The following ZDHHC3 variants were observed in gnomAD, a reference collection of about 807,000 sequenced individuals.
The protein encoded by ZDHHC3 is zDHHC palmitoyltransferase 3.
A neutral mutation model predicts 30.6 loss-of-function variants in ZDHHC3; 9 were observed. The ratio of observed to expected loss-of-function variants is 0.29; its 90% CI spans 0.18 to 0.51. The LOEUF (loss-of-function observed/expected upper bound fraction) is 0.51. Ranked by LOEUF, ZDHHC3 falls within the 20% of genes least tolerant of loss-of-function variation. ZDHHC3 has a pLI of 0.97. For missense variants in ZDHHC3, 246 were observed against 384.2 expected (o/e 0.64, Z 3.01); for synonymous variants, 136 against 140.2 (o/e 0.97, Z 0.21).
At chr3:44,958,707 A>G in intron 2 of ZDHHC3, 2 of 1,531,282 alleles carry the variant, frequency 1.3e-6, no homozygotes, top group Non-Finnish European at 1.8e-6. Context: ...TGTGGCTTTA[A>G]TTTCAAGTCC....
chr3:44,920,391 T>C lies in ZDHHC3; in HGVS notation c.*6298A>G, dbSNP rs1700510111. On this transcript the variant is annotated 3_prime_UTR_variant, in exon 7 of 7. Coordinates refer to ENST00000424952, the MANE Select transcript of ZDHHC3 (RefSeq NM_001135179.2). ...GCACGAGAGCTGGGACATCACCATA[T>C]GGCAGACCCGGCTACAGAGGAAACA... 7.8e-7 allele frequency: 1 copy of C among 1,282,998 alleles called. No individual in the cohort carries two copies. Among genetic ancestry groups the C allele is most frequent in the African/African-American group, 1.5e-5 (1 of 65,764 alleles). 79.5% of individuals were successfully genotyped at this position (1,282,998 alleles called of 1,614,324 possible).
chr3:44,922,528 G>C lies in ZDHHC3; in HGVS notation c.*4161C>G, dbSNP rs1700667359. 1.0e-6 allele frequency: 1 copy of C among 985,286 alleles called. No individual in the cohort carries two copies. Among genetic ancestry groups the C allele is most frequent in the Non-Finnish European group, 1.2e-6 (1 of 829,938 alleles). The allele number at this position is 985,286 out of a possible 1,614,324, so 61.0% of individuals were successfully genotyped here. A position where few individuals can be genotyped will look rare whatever the true frequency, so the allele number is the denominator to read the frequency against. Reference sequence around the variant, plus strand: ...CTTATGAGGGAAGGCAGTCTCAGTGGCTTCTCCGCGGAGGGAACACGTGCC... The same window carrying C: ...CTTATGAGGGAAGGCAGTCTCAGTGCCTTCTCCGCGGAGGGAACACGTGCC... On this transcript the variant is annotated 3_prime_UTR_variant, in exon 7 of 7. Transcript: ENST00000424952.
intron 1 of ZDHHC3, chr3:44,975,360 C>CCAT (rs1705823322): frequency 6.6e-6 from 1 of 152,236 alleles, no homozygotes; most frequent in Non-Finnish European, 1.5e-5. Context: ...GTAATCACTT[C>CCAT]CATCAAGCCG....
Position 44,919,747 on chromosome 3 carries a change from T to A in ZDHHC3, c.*6942A>T, listed in dbSNP as rs758309901. On this transcript the variant is annotated 3_prime_UTR_variant, in exon 7 of 7. Coordinates refer to ENST00000424952, the MANE Select transcript of ZDHHC3 (RefSeq NM_001135179.2). ...CAGGGTTTTATATTTGTATTATGGT[T>A]GTATAAAATGTTTACCTTTGGTGAG... 5 of 392,410 alleles carry A rather than the reference T, an allele frequency of 1.3e-5. No individual in the cohort carries two copies. Among genetic ancestry groups the A allele is most frequent in the Non-Finnish European group, 1.4e-5 (4 of 287,864 alleles). The allele number at this position is 392,410 out of a possible 1,614,324, so 24.3% of individuals were successfully genotyped here.
Position 44,976,089 on chromosome 3 carries a change from A to G in ZDHHC3, c.-181T>C. On this transcript the variant is annotated 5_prime_UTR_variant, in exon 1 of 7. Transcript: ENST00000424952. ...GCCGCGGCTCTCTGGACTCGGCCAG[A>G]CACCGGGCGGCGCGCAGGAGAAGCC... 2.3e-6 allele frequency: 1 copy of G among 443,248 alleles called. No individual in the cohort carries two copies. The highest frequency in any genetic ancestry group is 5.8e-5 in the South Asian group (1 of 17,098). The allele number at this position is 443,248 out of a possible 1,614,324, so 27.5% of individuals were successfully genotyped here.
In ZDHHC3 at chr3:44,922,430, G is replaced by A; in HGVS notation, c.*4259C>T. 1.0e-6 allele frequency: 1 copy of A among 985,446 alleles called. No homozygotes were observed. Among genetic ancestry groups the A allele is most frequent in the Non-Finnish European group, 1.2e-6 (1 of 829,936 alleles). 61.0% of individuals were successfully genotyped at this position (985,446 alleles called of 1,614,324 possible). A position where few individuals can be genotyped will look rare whatever the true frequency, so the allele number is the denominator to read the frequency against. Reference sequence around the variant, plus strand: ...TGAGATGCACAAGGAGTGGTGGGCAGGCTAATAATTTGGATCTGCTTCATA... The same window carrying A: ...TGAGATGCACAAGGAGTGGTGGGCAAGCTAATAATTTGGATCTGCTTCATA... On this transcript the variant is annotated 3_prime_UTR_variant, in exon 7 of 7. Transcript: ENST00000424952.
chr3:44,943,563 C>A lies in ZDHHC3; in HGVS notation c.431+1605G>T, dbSNP rs541702327. 4.6e-5 allele frequency among the ~76,000 whole-genome samples: 7 copies of A among 152,304 alleles called. No individual in the cohort carries two copies. In the South Asian group the frequency reaches 1.2e-3, roughly 27 times the overall value. Reference sequence around the variant, plus strand: ...AATCGCCGTTCAGATCTCTCACACACCCAAATGTCTCCGCAGGCTAAGCCT... The same window carrying A: ...AATCGCCGTTCAGATCTCTCACACAACCAAATGTCTCCGCAGGCTAAGCCT... On this transcript the variant is annotated intron_variant, in intron 3 of 6. Transcript: ENST00000424952.
intron 1 of ZDHHC3, among the ~76,000 whole-genome samples, chr3:44,970,592 T>C (rs1705328427): frequency 6.6e-6 from 1 of 152,216 alleles, no homozygotes; most frequent in Non-Finnish European, 1.5e-5. Context: ...GTTAATATCT[T>C]GGATTTTACA....
At chr3:44,934,080 T>A in intron 3 of ZDHHC3, 96 bp from the exon 4 acceptor site, 1 of 1,208,904 alleles carries the variant, frequency 8.3e-7, no homozygotes, top group Non-Finnish European at 1.2e-6. Flanking sequence ...TCCACTCCTC[T>A]GAAATGGCTT....
intron 2 of ZDHHC3, chr3:44,958,524 G>A (rs999896184): frequency 7.9e-6 from 11 of 1,396,332 alleles, no homozygotes; most frequent in African/African-American, 7.1e-5. Context: ...AGCCACGTGC[G>A]CAGCTTGGCA....
chr3:44,933,895 A>G lies in ZDHHC3; in HGVS notation c.521T>C (p.Leu174Pro). 3 of 1,614,184 alleles carry G rather than the reference A, an allele frequency of 1.9e-6. No homozygotes were observed. Among genetic ancestry groups the G allele is most frequent in the Non-Finnish European group, 2.5e-6 (3 of 1,180,028 alleles). Reference sequence around the variant, plus strand: ...ATTTGCAAGCTGACTTACTGTAAACAGGACGAAGTACTTCTGGTTGTTCTC... The same window carrying G: ...ATTTGCAAGCTGACTTACTGTAAACGGGACGAAGTACTTCTGGTTGTTCTC... ...VGENNQKYFVLFTMYIALISL... is the reference protein window; with the variant it reads ...VGENNQKYFVPFTMYIALISL... The change falls in exon 4 of 7, where the codon CTG becomes CCG. Residue 174 changes from leucine to proline, a missense_variant. Coordinates refer to ENST00000424952, the MANE Select transcript of ZDHHC3 (RefSeq NM_001135179.2).
intron 3 of ZDHHC3, among the ~76,000 whole-genome samples, chr3:44,942,150 G>C (rs1702493454): frequency 6.6e-6 from 1 of 152,268 alleles, no homozygotes. Context: ...ATTCTAAAAT[G>C]CTGGGCGCAA....
At chr3:44,961,517 C>G (rs550579574) in intron 1 of ZDHHC3, among the ~76,000 whole-genome samples, 9 of 152,294 alleles carry the variant, frequency 5.9e-5, no homozygotes, top group Non-Finnish European at 1.3e-4. Flanking sequence ...GTAGTCCTGC[C>G]AGAGACAACC....
Position 44,925,681 on chromosome 3 carries a change from T to C in ZDHHC3, c.*1008A>G, listed in dbSNP as rs890994300. On this transcript the variant is annotated 3_prime_UTR_variant, in exon 7 of 7. Coordinates refer to ENST00000424952, the MANE Select transcript of ZDHHC3 (RefSeq NM_001135179.2). ...GACAACAGTCTCCCAGGTTAAAATATAGATAAGACACAGGTACGTGCACAT... is the reference window on the plus strand; with the variant it reads ...GACAACAGTCTCCCAGGTTAAAATACAGATAAGACACAGGTACGTGCACAT... The C allele has an allele frequency of 1.1e-5, 11 of 985,350 alleles. No individual in the cohort carries two copies. The East Asian group carries it at 3.4e-4, about 30-fold the overall frequency. The allele number at this position is 985,350 out of a possible 1,614,324, so 61.0% of individuals were successfully genotyped here. A position where few individuals can be genotyped will look rare whatever the true frequency, so the allele number is the denominator to read the frequency against.
intron 3 of ZDHHC3, chr3:44,938,390 GCCC>G (rs936525048): frequency 3.3e-4 from 72 of 215,870 alleles, no homozygotes; most frequent in African/African-American, 1.4e-3. Context: ...TCTGGGGACT[GCCC>G]AGTCTGTGGG....
intron 3 of ZDHHC3, among the ~76,000 whole-genome samples, chr3:44,939,941 G>A (rs1391149424): frequency 1.3e-5 from 2 of 152,182 alleles, no homozygotes; most frequent in Non-Finnish European, 2.9e-5. Context: ...CTTGGGCCAG[G>A]TGGTATGCAG....
chr3:44,930,888 G>C (rs1159683305), intron 5 of ZDHHC3, among the ~76,000 whole-genome samples: 1 of 152,152 alleles, frequency 6.6e-6, no homozygotes, highest in Non-Finnish European at 1.5e-5. Context: ...GAGAGGCTCT[G>C]ACATCTGGCA....
At chr3:44,936,816 C>T (rs564693067) in intron 3 of ZDHHC3, among the ~76,000 whole-genome samples, 55 of 152,050 alleles carry the variant, frequency 3.6e-4, no homozygotes, top group African/African-American at 1.2e-3. Flanking sequence ...CCCCAACACA[C>T]GAGTTTATCT....
At chr3:44,946,815 C>T (rs1047086003) in intron 2 of ZDHHC3, among the ~76,000 whole-genome samples, 1 of 152,114 alleles carries the variant, frequency 6.6e-6, no homozygotes, top group African/African-American at 2.4e-5. Context: ...AGCGGGGAGG[C>T]CGGACCGATG....
Sources: allele counts gnomAD v4.1 joint callset (sites outside exome capture counted in the v4.1 genomes callset), GRCh38; gene constraint gnomAD v4.1.1; transcripts MANE v1.5; gene names NCBI Gene and HGNC (gene_info 2026-07-23, HGNC 2026-07-21).